CPLX2: variants seen among roughly 807,000 people sequenced by gnomAD.
CPLX2 encodes the protein complexin-2.
A neutral mutation model predicts 16.3 loss-of-function variants in CPLX2; 5 were observed. The ratio of observed to expected loss-of-function variants is 0.31; its 90% CI spans 0.16 to 0.64. The LOEUF is 0.64. Ranked by LOEUF, CPLX2 falls within the 30% of genes least tolerant of loss-of-function variation. The pLI is 0.79. For synonymous variants in CPLX2, 89 were observed against 73.2 expected, an observed-to-expected ratio of 1.22 and a Z score of -1.10; for missense variants, 144 against 181.4, an observed-to-expected ratio of 0.79 and a Z score of 1.18.
intron 2 of CPLX2, among the ~76,000 whole-genome samples, chr5:175,842,407 C>T (rs1406361425): frequency 6.6e-6 from 1 of 152,250 alleles, no homozygotes; most frequent in Non-Finnish European, 1.5e-5. Context: ...TAGGCATGAC[C>T]TGCTCAAGGT....
Position 175,831,770 on chromosome 5 carries a change from G to A in CPLX2, c.-89+22702G>A, listed in dbSNP as rs981977887. Among the ~76,000 whole-genome samples the A allele has an allele frequency of 3.3e-5, 5 of 152,336 alleles. No homozygotes were observed. The South Asian group carries it at 1.0e-3, about 32-fold the overall frequency. The stretch of plus-strand genomic sequence containing the variant: ...CATGGGATTAAACATGCCTAACGGA[G>A]GCATGCAGAGAATTCCAAAGCAGCA... On this transcript the variant is annotated intron_variant, in intron 2 of 4. Transcript: ENST00000359546.
At chr5:175,812,303 A>G (rs549921585) in intron 2 of CPLX2, among the ~76,000 whole-genome samples, 21 of 152,326 alleles carry the variant, frequency 1.4e-4, no homozygotes, top group African/African-American at 3.8e-4. Flanking sequence ...GGAGACAGGA[A>G]TGAGAACACC....
At chr5:175,821,438 G>A (rs1258540506) in intron 2 of CPLX2, among the ~76,000 whole-genome samples, 3 of 150,944 alleles carry the variant, frequency 2.0e-5, no homozygotes, top group African/African-American at 2.4e-5. Context: ...ATGGAGTTTC[G>A]CTGTCGTCAC....
intron 2 of CPLX2, among the ~76,000 whole-genome samples, chr5:175,863,959 T>C (rs1377724024): frequency 6.6e-6 from 1 of 152,200 alleles, no homozygotes; most frequent in Non-Finnish European, 1.5e-5. Flanking sequence ...CCAACTTAAA[T>C]ACATGCAGGA....
At chr5:175,874,579 G>T (rs1043507227) in intron 1 of CPLX2, among the ~76,000 whole-genome samples, 1 of 152,160 alleles carries the variant, frequency 6.6e-6, no homozygotes, top group Non-Finnish European at 1.5e-5. Flanking sequence ...TTCAGTTGAG[G>T]TGATTGGGAC....
At chr5:175,856,541 A>G (rs1759260823) in intron 2 of CPLX2, among the ~76,000 whole-genome samples, 1 of 152,212 alleles carries the variant, frequency 6.6e-6, no homozygotes, top group Admixed American at 6.5e-5. Context: ...GCCCAAGTGG[A>G]AAGACAGAGC....
At chr5:175,842,606 G>A (rs746250985) in intron 2 of CPLX2, among the ~76,000 whole-genome samples, 2 of 152,214 alleles carry the variant, frequency 1.3e-5, no homozygotes, top group African/African-American at 2.4e-5. Context: ...GTGGAAGGAC[G>A]GCCATGGGGC....
rs570040705 is a variant in CPLX2 at position 175,883,029 on chromosome 5, A to G, written c.*2984A>G. Reference sequence around the variant, plus strand: ...GTGCATGCAACACACTTAGGGGAGGAGTGGCCCCAGAATTCAGCACGCACA... The same window carrying G: ...GTGCATGCAACACACTTAGGGGAGGGGTGGCCCCAGAATTCAGCACGCACA... On this transcript the variant is annotated 3_prime_UTR_variant, in exon 4 of 4. Coordinates refer to ENST00000393745, the MANE Select transcript of CPLX2 (RefSeq NM_001008220.2). 2 of 152,390 alleles carry G rather than the reference A, an allele frequency of 1.3e-5. No individual in the cohort carries two copies. The highest frequency in any genetic ancestry group is 3.9e-4 in the East Asian group (2 of 5,174). The allele number at this position is 152,390 out of a possible 1,614,324, so 9.4% of individuals were successfully genotyped here.
At chr5:175,848,824 G>A (rs1057102089) in intron 2 of CPLX2, among the ~76,000 whole-genome samples, 2 of 152,180 alleles carry the variant, frequency 1.3e-5, no homozygotes, top group Non-Finnish European at 2.9e-5. Flanking sequence ...GCAAAGATGA[G>A]CATGTTTCAG....
At position 175,882,964 on chromosome 5, in the gene CPLX2, G is replaced by C. The variant is rs939783012; in HGVS notation, c.*2919G>C. The C allele has an allele frequency of 6.6e-6, 1 of 152,354 alleles. No individual in the cohort carries two copies. Among genetic ancestry groups the C allele is most frequent in the Non-Finnish European group, 1.5e-5 (1 of 68,120 alleles). 9.4% of individuals were successfully genotyped at this position (152,354 alleles called of 1,614,324 possible). On this transcript the variant is annotated 3_prime_UTR_variant, in exon 4 of 4. Coordinates refer to ENST00000393745, the MANE Select transcript of CPLX2 (RefSeq NM_001008220.2). ...GAGGTGAGGTGTGTGTGACCCACTG[G>C]ATGGGAGGGCAATGAGTGTGCACAT...
chr5:175,838,264 G>A (rs1758872782), intron 2 of CPLX2, among the ~76,000 whole-genome samples: 1 of 118,048 alleles, frequency 8.5e-6, no homozygotes, highest in African/African-American at 3.4e-5. Flanking sequence ...CACCCCTCCT[G>A]TCTTTTTTTT....
chr5:175,802,844 T>G (rs1232252374), intron 1 of CPLX2, among the ~76,000 whole-genome samples: 1 of 152,076 alleles, frequency 6.6e-6, no homozygotes, highest in African/African-American at 2.4e-5. Context: ...TTTTCCTTTT[T>G]TTTTTGAGAC....
At chr5:175,815,513 C>T (rs893043337) in intron 2 of CPLX2, among the ~76,000 whole-genome samples, 1 of 152,208 alleles carries the variant, frequency 6.6e-6, no homozygotes, top group African/African-American at 2.4e-5. Flanking sequence ...TTGATGGTTA[C>T]ACCTGGGCTG....
intron 1 of CPLX2, among the ~76,000 whole-genome samples, chr5:175,806,651 C>T (rs568207910): frequency 2.4e-4 from 31 of 128,270 alleles, no homozygotes; most frequent in South Asian, 1.1e-3. Flanking sequence ...TCACCACGCC[C>T]GGTTAATTTT....
At chr5:175,861,807 T>A (rs1007440023) in intron 2 of CPLX2, 1 of 152,132 alleles carries the variant, frequency 6.6e-6, no homozygotes, top group Non-Finnish European at 1.5e-5. Context: ...TATATAACCA[T>A]GACCCCCTCA....
At chr5:175,863,950 C>T (rs1001517084) in intron 2 of CPLX2, among the ~76,000 whole-genome samples, 9 of 152,138 alleles carry the variant, frequency 5.9e-5, no homozygotes, top group African/African-American at 2.2e-4. Flanking sequence ...TTTCTCATTC[C>T]AACTTAAATA....
intron 2 of CPLX2, among the ~76,000 whole-genome samples, chr5:175,856,051 G>A (rs1291808824): frequency 6.6e-6 from 1 of 152,136 alleles, no homozygotes; most frequent in Non-Finnish European, 1.5e-5. Context: ...CAGACATCCT[G>A]GTTCCAGAAG....
intron 2 of CPLX2, among the ~76,000 whole-genome samples, chr5:175,857,984 C>T (rs949082057): frequency 6.6e-6 from 1 of 152,202 alleles, no homozygotes; most frequent in African/African-American, 2.4e-5. Flanking sequence ...AGGGCCTGTG[C>T]ATACACTGTC....
chr5:175,833,358 C>A lies in CPLX2; in HGVS notation c.-89+24290C>A, dbSNP rs141135077. On this transcript the variant is annotated intron_variant, in intron 2 of 4. Transcript: ENST00000359546. ...GATACAGAGATGAAGAGAGTACAGTCCCTGACCCCAGAGAACTCGTGGTGA... is the reference window on the plus strand; with the variant it reads ...GATACAGAGATGAAGAGAGTACAGTACCTGACCCCAGAGAACTCGTGGTGA... Among the ~76,000 whole-genome samples, 348 of 152,120 alleles carry A rather than the reference C, an allele frequency of 2.3e-3. 2 individuals carry two copies. Among genetic ancestry groups the A allele is most frequent in the African/African-American group, 7.9e-3 (329 of 41,498 alleles).
Sources: gnomAD v4.1 joint callset for allele counts (sites outside exome capture counted in the v4.1 genomes callset) on GRCh38, gnomAD v4.1.1 for gene constraint, MANE v1.5 for transcripts, NCBI Gene and HGNC (gene_info 2026-07-23, HGNC 2026-07-21) for gene names.